The following YJU2B variants were observed in gnomAD, a reference collection of about 807,000 sequenced individuals.
YJU2B encodes probable splicing factor YJU2B.
Under a neutral mutation model 38.0 loss-of-function variants are expected in YJU2B, and 18 were observed. The observed-to-expected ratio is 0.47, with a 90% confidence interval of 0.33 to 0.70. The LOEUF (loss-of-function observed/expected upper bound fraction) is 0.70. Among genes scored for constraint, YJU2B ranks in the 30% least tolerant of loss-of-function variants. YJU2B has a pLI of 0.02. For synonymous variants in YJU2B, 246 were observed against 225.4 expected (o/e 1.09, Z -0.82); for missense variants, 538 against 556.3 (o/e 0.97, Z 0.33).
exon 1 of YJU2B, chr19:13,731,790 A>G (rs756921917): frequency 6.6e-6 from 1 of 152,272 alleles, no homozygotes; most frequent in Non-Finnish European, 1.5e-5. Context: ...CAACCAGCGA[A>G]GGCTGAACCC....
chr19:13,751,560 A>T, intron 1 of YJU2B, 48 bp from the exon 2 acceptor site: 1 of 529,304 alleles, frequency 1.9e-6, no homozygotes. Context: ...GTCAGATGTG[A>T]TGCGTATATT....
At chr19:13,747,143 CTCTT>C (rs1263002321), upstream of YJU2B, among the ~76,000 whole-genome samples, 2 of 152,154 alleles carry the variant, frequency 1.3e-5, no homozygotes, top group African/African-American at 2.4e-5. Flanking sequence ...GAAAGCATTC[CTCTT>C]TCTGTCTTTA....
Position 13,762,578 on chromosome 19 carries a change from C to T in YJU2B, c.713-12C>T. ...CCCTGCCGCCCCTGAAATGTCCTCTCCTCTCCTCTAGCCTACGAGGACAAG... is the reference window on the plus strand; with the variant it reads ...CCCTGCCGCCCCTGAAATGTCCTCTTCTCTCCTCTAGCCTACGAGGACAAG... On this transcript the variant is annotated splice_polypyrimidine_tract_variant and intron_variant, in intron 9 of 9. Coordinates refer to ENST00000221554, the MANE Select transcript of YJU2B (RefSeq NM_030818.4). The T allele has an allele frequency of 6.5e-7, 1 of 1,531,988 alleles. No individual in the cohort carries two copies. Among genetic ancestry groups the T allele is most frequent in the Non-Finnish European group, 8.7e-7 (1 of 1,146,656 alleles). 94.9% of individuals were successfully genotyped at this position (1,531,988 alleles called of 1,614,324 possible). A position where few individuals can be genotyped will look rare whatever the true frequency, so the allele number is the denominator to read the frequency against.
chr19:13,756,975 C>A (rs1197954142), intron 4 of YJU2B, among the ~76,000 whole-genome samples: 31 of 130,408 alleles, frequency 2.4e-4, no homozygotes, highest in African/African-American at 2.6e-4. Context: ...GACTCCATCT[C>A]AAAAAAAAAA....
chr19:13,758,345 C>T (rs929805564), intron 6 of YJU2B, among the ~76,000 whole-genome samples: 2 of 152,192 alleles, frequency 1.3e-5, no homozygotes, highest in African/African-American at 4.8e-5. Flanking sequence ...AGCAAGTTGG[C>T]TTTTCCACTA....
rs1599541111 is a variant in YJU2B at position 13,762,343 on chromosome 19, C to T, written c.618C>T (p.Ala206=). ...AIQEEEERDQ[A]LQAKASLTIP... ...AGGAGGAGGAGGAGAGAGACCAGGCCTTGCAGGCCAAGGCGAGCCTGACCA... is the reference window on the plus strand; with the variant it reads ...AGGAGGAGGAGGAGAGAGACCAGGCTTTGCAGGCCAAGGCGAGCCTGACCA... Residue 206 remains alanine (A), a synonymous_variant, in exon 9 of 10, where the codon GCC becomes GCT. Transcript: ENST00000221554. 1 of 1,613,972 alleles carries T rather than the reference C, an allele frequency of 6.2e-7. No individual in the cohort carries two copies. Among genetic ancestry groups the T allele is most frequent in the Non-Finnish European group, 8.5e-7 (1 of 1,180,016 alleles).
chr19:13,763,091 G>T lies in YJU2B; in HGVS notation c.*23G>T, dbSNP rs751239001. 6.6e-7 allele frequency: 1 copy of T among 1,523,946 alleles called. No individual in the cohort carries two copies. Among genetic ancestry groups the T allele is most frequent in the African/African-American group, 1.4e-5 (1 of 72,360 alleles). 94.4% of individuals were successfully genotyped at this position (1,523,946 alleles called of 1,614,324 possible). On this transcript the variant is annotated 3_prime_UTR_variant, in exon 10 of 10. Coordinates refer to ENST00000221554, the MANE Select transcript of YJU2B (RefSeq NM_030818.4). ...TGAGCGATCCCCATCCTGGAGACTG[G>T]ACCCGCTCTAGAGGCCCGGACACAC...
chr19:13,756,091 C>T (rs1186255103), intron 3 of YJU2B, 106 bp from the exon 4 acceptor site: 2 of 846,982 alleles, frequency 2.4e-6, no homozygotes, highest in East Asian at 4.9e-5. Flanking sequence ...AGAATCAAGG[C>T]CTCTCCCACC....
intron 1 of YJU2B, among the ~76,000 whole-genome samples, chr19:13,749,880 G>A (rs1302542642): frequency 6.6e-6 from 1 of 151,972 alleles, no homozygotes; most frequent in Admixed American, 6.6e-5. Context: ...TGATCCACCC[G>A]CCTCGGCCTC....
chr19:13,734,403 G>C (rs1168582880), intron 2 of YJU2B, among the ~76,000 whole-genome samples: 1 of 151,114 alleles, frequency 6.6e-6, no homozygotes, highest in Non-Finnish European at 1.5e-5. Flanking sequence ...TGATTCTCCT[G>C]CCTCACCCTC....
intron 2 of YJU2B, among the ~76,000 whole-genome samples, chr19:13,753,859 C>T (rs995406153): frequency 1.3e-5 from 2 of 152,050 alleles, no homozygotes; most frequent in Non-Finnish European, 2.9e-5. Flanking sequence ...CACCAGGTCC[C>T]TCCCATGACA....
At chr19:13,761,281 C>G (rs938885258) in intron 8 of YJU2B, 1 of 152,026 alleles carries the variant, frequency 6.6e-6, no homozygotes, top group African/African-American at 2.4e-5. Context: ...ACTTGGGAGG[C>G]TGAGGCAAGA....
chr19:13,735,699 A>C (rs964687819), intron 2 of YJU2B, among the ~76,000 whole-genome samples: 3 of 152,110 alleles, frequency 2.0e-5, no homozygotes, highest in Non-Finnish European at 4.4e-5. Context: ...TTTGTGGGAA[A>C]TTATGGTGTT....
chr19:13,749,571 G>A lies in YJU2B; in HGVS notation c.-202+1617G>A, dbSNP rs7257508. ...TGACAGAGAAACTTTGCCAATCTCT[G>A]TTCTAGAATACCCTTCACTGCTTCA... On this transcript the variant is annotated intron_variant, in intron 1 of 9. Coordinates refer to ENST00000221554, the MANE Select transcript of YJU2B (RefSeq NM_030818.4). 9.3e-3 allele frequency among the ~76,000 whole-genome samples: 1,403 copies of A among 151,184 alleles called. 19 individuals carry two copies. Among genetic ancestry groups the A allele is most frequent in the African/African-American group, 0.033 (1,343 of 41,174 alleles).
rs368430107 is a variant in YJU2B at position 13,751,741 on chromosome 19, C to T, written c.-68C>T. On this transcript the variant is annotated 5_prime_UTR_variant, in exon 2 of 10. Coordinates refer to ENST00000221554, the MANE Select transcript of YJU2B (RefSeq NM_030818.4). ...GGCTCCACAAGAGGTCAGGACAGTG[C>T]AGTGTGTTCACAAGGCCAGTTTCTG... The T allele has an allele frequency of 3.2e-4, 495 of 1,569,776 alleles. 2 individuals are homozygous for T. Among genetic ancestry groups the T allele is most frequent in the South Asian group, 2.7e-3 (247 of 90,152 alleles).
Position 13,759,166 on chromosome 19 carries a change from G to T in YJU2B, c.467G>T (p.Arg156Leu), listed in dbSNP as rs1012220253. The change falls in exon 8 of 10, where the codon CGC (arginine) becomes CTC (leucine). Residue 156 changes from arginine (R) to leucine (L), a missense_variant. Physicochemically the swap from Arg to Leu is moderately radical, Grantham distance 102 (BLOSUM62 -2). Coordinates refer to ENST00000221554, the MANE Select transcript of YJU2B (RefSeq NM_030818.4). ...MFRLEHGEAD[R>L]STLKKALPTL... ...CGGCTGGAGCATGGCGAGGCCGACC[G>T]CAGCACACTCAAGAAGGCGCTGCCC... 2.5e-6 allele frequency: 4 copies of T among 1,613,446 alleles called. No individual in the cohort carries two copies. Among genetic ancestry groups the T allele is most frequent in the Non-Finnish European group, 3.4e-6 (4 of 1,179,794 alleles).
chr19:13,763,161 G>A lies in YJU2B; in HGVS notation c.*93G>A, dbSNP rs1599545673. 13 of 1,066,078 alleles carry A rather than the reference G, an allele frequency of 1.2e-5. No individual in the cohort carries two copies. The highest frequency in any genetic ancestry group is 1.7e-5 in the Non-Finnish European group (13 of 748,336). The allele number at this position is 1,066,078 out of a possible 1,614,324, so 66.0% of individuals were successfully genotyped here. ...CTGCAGACCCCCGGCTCGCCCACCA[G>A]CCCTGGGAGAGCTCAGATGCCGCAT... On this transcript the variant is annotated 3_prime_UTR_variant, in exon 10 of 10. Transcript: ENST00000221554.
At chr19:13,745,686 G>GATAGATAGATAGATAT (rs1555699815), upstream of YJU2B, among the ~76,000 whole-genome samples, 1 of 96,272 alleles carries the variant, frequency 1.0e-5, no homozygotes, top group Non-Finnish European at 2.1e-5. Flanking sequence ...TAGATAGATA[G>GATAGATAGATAGATAT]ATAGATATAG....
chr19:13,738,521 G>T (rs1973011514), intron 2 of YJU2B, among the ~76,000 whole-genome samples: 1 of 152,140 alleles, frequency 6.6e-6, no homozygotes, highest in South Asian at 2.1e-4. Flanking sequence ...CACTTTAGAA[G>T]GCCAAGGCGG....
Sources: allele counts gnomAD v4.1 joint callset (sites outside exome capture counted in the v4.1 genomes callset), GRCh38; gene constraint gnomAD v4.1.1; transcripts MANE v1.5; gene names NCBI Gene and HGNC (gene_info 2026-07-23, HGNC 2026-07-21).